MYO16: variants seen among roughly 807,000 people sequenced by gnomAD.
MYO16 encodes the protein myosin XVI, also known as unconventional myosin-XVI.
Under a neutral mutation model 205.3 loss-of-function variants are expected in MYO16, and 94 were observed. The observed-to-expected ratio is 0.46, with a 90% CI of 0.39 to 0.54. The LOEUF (loss-of-function observed/expected upper bound fraction) is 0.54, where lower values mean the gene tolerates loss of function less well. Among genes scored for constraint, MYO16 ranks in the 20% least tolerant of loss-of-function variants. MYO16 has a pLI of 0.00. For synonymous variants in MYO16, 988 were observed against 954.0 expected, an observed-to-expected ratio of 1.04 and a Z score of -0.66; for missense variants, 2,315 against 2,387.5, an observed-to-expected ratio of 0.97 and a Z score of 0.63.
At chr13:108,843,322 T>C (rs1877342540) in intron 9 of MYO16, among the ~76,000 whole-genome samples, 1 of 152,128 alleles carries the variant, frequency 6.6e-6, no homozygotes, top group South Asian at 2.1e-4. Flanking sequence ...GAGAAGCCAC[T>C]AACACATCTA....
At chr13:108,867,964 T>A (rs1307358946) in intron 12 of MYO16, among the ~76,000 whole-genome samples, 3 of 152,250 alleles carry the variant, frequency 2.0e-5, no homozygotes, top group Non-Finnish European at 2.9e-5. Context: ...GAAGGTAGAT[T>A]CACCCATGTT....
At position 109,206,805 on chromosome 13, in the gene MYO16, T is replaced by A. The variant is rs755485347; in HGVS notation, c.5612T>A (p.Leu1871Gln). ...KKPEGASCNR[L>Q]PSELWDTTI is the part of the protein sequence containing the mutation. ...CCGGAAGGGGCCTCCTGCAACAGGCTGCCGTCTGAGCTCTGGGACACCACC... is the reference window on the plus strand; with the variant it reads ...CCGGAAGGGGCCTCCTGCAACAGGCAGCCGTCTGAGCTCTGGGACACCACC... Residue 1871 changes from leucine (L) to glutamine (Q), a missense_variant, in exon 35 of 35, where the codon CTG becomes CAG. Around this residue, in one of 3 missense-constraint regions of MYO16, gnomAD observed 1,097 missense variants for 1,092.0 expected, o/e 1.00. Transcript: ENST00000457511. 1.9e-6 allele frequency: 3 copies of A among 1,614,156 alleles called. No individual in the cohort carries two copies. The highest frequency in any genetic ancestry group is 2.5e-6 in the Non-Finnish European group (3 of 1,180,014).
chr13:108,501,504 C>T, the MYO16 span, among the ~76,000 whole-genome samples: 1 of 152,220 alleles, frequency 6.6e-6, no homozygotes, highest in Admixed American at 6.5e-5. Flanking sequence ...ATCATTTATT[C>T]AGAGTTACAC....
rs544233216 is a variant in MYO16 at position 109,163,599 on chromosome 13, T to G, written c.5165-1302T>G. ...CTGTCTTCCTCCCTCCTTCCCTCCC[T>G]GTCTCCTTCCTACCTTCTTTCTGTA... is the stretch of plus-strand genomic sequence containing the variant. On this transcript the variant is annotated intron_variant, in intron 32 of 34. Transcript: ENST00000457511. Among the ~76,000 whole-genome samples, 7 of 150,162 alleles carry G rather than the reference T, an allele frequency of 4.7e-5. 1 individual carries two copies. In the East Asian group the frequency reaches 1.4e-3, roughly 30 times the overall value.
chr13:109,205,730 CAG>C (rs1880572435), intron 34 of MYO16, among the ~76,000 whole-genome samples: 1 of 152,160 alleles, frequency 6.6e-6, no homozygotes, highest in Admixed American at 6.5e-5. Context: ...TAGCTGAAGT[CAG>C]GGGGTAAGCT....
chr13:109,012,337 C>T (rs1267216835), intron 22 of MYO16, among the ~76,000 whole-genome samples: 2 of 152,108 alleles, frequency 1.3e-5, no homozygotes, highest in East Asian at 1.9e-4. Flanking sequence ...TTGACAGCCA[C>T]TCCCCGTCAC....
chr13:108,795,227 T>C (rs1594299759), intron 6 of MYO16, among the ~76,000 whole-genome samples: 1 of 151,146 alleles, frequency 6.6e-6, no homozygotes, highest in Non-Finnish European at 1.5e-5. Context: ...AATCTTTCCC[T>C]GTCACCCAGG....
chr13:109,114,935 C>T (rs1446415521), intron 28 of MYO16, among the ~76,000 whole-genome samples: 3 of 152,152 alleles, frequency 2.0e-5, no homozygotes, highest in Non-Finnish European at 4.4e-5. Flanking sequence ...AGAGGCGTCA[C>T]TATTTTTCTA....
chr13:108,766,269 G>A (rs1885773722), intron 4 of MYO16, among the ~76,000 whole-genome samples: 1 of 152,188 alleles, frequency 6.6e-6, no homozygotes, highest in African/African-American at 2.4e-5. Flanking sequence ...AAGCTCAGCA[G>A]TTATCTGGTT....
chr13:109,188,907 A>C (rs564413513), intron 34 of MYO16, among the ~76,000 whole-genome samples: 4 of 152,266 alleles, frequency 2.6e-5, no homozygotes, highest in African/African-American at 9.6e-5. Flanking sequence ...CACCCTGGCC[A>C]ACCTGGAGAA....
intron 4 of MYO16, among the ~76,000 whole-genome samples, chr13:108,753,241 G>A (rs1185996749): frequency 6.6e-6 from 1 of 151,620 alleles, no homozygotes; most frequent in African/African-American, 2.4e-5. Context: ...GTGTTGGCGG[G>A]CGCCTGTAAT....
At chr13:108,597,835 G>T (rs372376314) in intron 1 of MYO16, among the ~76,000 whole-genome samples, 5 of 152,274 alleles carry the variant, frequency 3.3e-5, no homozygotes, top group African/African-American at 1.2e-4. Context: ...TTCTATATCT[G>T]TGGGATGGTT....
Position 108,964,767 on chromosome 13 carries a change from T to C in MYO16, c.2234T>C (p.Met745Thr). Reference sequence around the variant, plus strand: ...TTTCTTTCTACCATTTTAGGGGATATGATAATACGACGACATACCATACAG... The same window carrying C: ...TTTCTTTCTACCATTTTAGGGGATACGATAATACGACGACATACCATACAG... ...TTDIQYFKGD[M>T]IIRRHTIQIA... Residue 745 changes from methionine to threonine, a missense_variant, in exon 20 of 35, where the codon ATG becomes ACG. Met to Thr is a moderately conservative substitution (Grantham distance 81). Coordinates refer to ENST00000457511, the MANE Select transcript of MYO16 (RefSeq NM_001198950.3). 2 of 1,614,044 alleles carry C rather than the reference T, an allele frequency of 1.2e-6. No individual in the cohort carries two copies. Among genetic ancestry groups the C allele is most frequent in the South Asian group, 1.1e-5 (1 of 91,084 alleles).
rs374081402 is a variant in MYO16 at position 108,862,214 on chromosome 13, A to G, written c.1360-3963A>G. ...TAATCCTGCAAATCACAATCCTGAA[A>G]GAATAAAATTCTGAATGTTAAAATC... On this transcript the variant is annotated intron_variant, in intron 11 of 34. Coordinates refer to ENST00000457511, the MANE Select transcript of MYO16 (RefSeq NM_001198950.3). Among the ~76,000 whole-genome samples, 9 of 152,318 alleles carry G rather than the reference A, an allele frequency of 5.9e-5. No homozygotes were observed. In the South Asian group the frequency reaches 8.3e-4, roughly 14 times the overall value.
chr13:108,644,835 A>G (rs1343767140), intron 1 of MYO16, among the ~76,000 whole-genome samples: 1 of 152,240 alleles, frequency 6.6e-6, no homozygotes, highest in Non-Finnish European at 1.5e-5. Flanking sequence ...TTAAAAATAT[A>G]GTCTGGAGTA....
intron 27 of MYO16, among the ~76,000 whole-genome samples, chr13:109,082,106 A>G (rs1306434759): frequency 8.5e-5 from 13 of 152,214 alleles, no homozygotes; most frequent in Non-Finnish European, 1.5e-4. Flanking sequence ...TGCTGTGCAC[A>G]GAGCTTCTCA....
chr13:108,583,816 A>G, the MYO16 span, among the ~76,000 whole-genome samples: 1 of 152,242 alleles, frequency 6.6e-6, no homozygotes, highest in Non-Finnish European at 1.5e-5. Flanking sequence ...ATCATCGGGA[A>G]GAAAACAGTA....
At chr13:109,069,073 G>C (rs1288755912) in intron 27 of MYO16, among the ~76,000 whole-genome samples, 2 of 152,100 alleles carry the variant, frequency 1.3e-5, no homozygotes, top group Non-Finnish European at 2.9e-5. Context: ...CAGAATAAAT[G>C]AAAGTGTTAA....
At chr13:109,149,766 A>G (rs199628767) in intron 32 of MYO16, among the ~76,000 whole-genome samples, 2 of 151,198 alleles carry the variant, frequency 1.3e-5, no homozygotes, top group African/African-American at 4.8e-5. Flanking sequence ...CTTTCTACCC[A>G]CCTGCCATAA....
Sources: allele counts gnomAD v4.1 joint callset (sites outside exome capture counted in the v4.1 genomes callset), GRCh38; gene constraint gnomAD v4.1.1; regional missense constraint gnomAD v4.1.1; transcripts MANE v1.5; gene names NCBI Gene and HGNC (gene_info 2026-07-23, HGNC 2026-07-21).